The following PDGFD variants were observed in gnomAD, a reference collection of about 807,000 sequenced individuals.
The protein encoded by PDGFD is platelet derived growth factor D, also known as platelet-derived growth factor D.
PDGFD carries 30 observed loss-of-function variants against 44.7 expected under a neutral mutation model. The ratio of observed to expected loss-of-function variants is 0.67; its 90% CI spans 0.50 to 0.91. The LOEUF is 0.91. Ranked by LOEUF, PDGFD falls within the 40% of genes least tolerant of loss-of-function variation. PDGFD has a pLI of 0.00. For missense variants in PDGFD, 445 were observed against 457.8 expected (o/e 0.97, Z 0.25); for synonymous variants, 173 against 168.4 (o/e 1.03, Z -0.21).
chr11:103,934,616 C>T lies in PDGFD; in HGVS notation c.773-7490G>A, dbSNP rs868619285. Among the ~76,000 whole-genome samples the T allele has an allele frequency of 7.9e-5, 12 of 152,186 alleles. No homozygotes were observed. The Middle Eastern group carries it at 0.02, about 259-fold the overall frequency. ...GGAAACTTACAATCATGGCAGAAGGCGAAGGAGAAGCAAAGGCACGTCTTA... is the reference window on the plus strand; with the variant it reads ...GGAAACTTACAATCATGGCAGAAGGTGAAGGAGAAGCAAAGGCACGTCTTA... On this transcript the variant is annotated intron_variant, in intron 5 of 6. Coordinates refer to ENST00000393158, the MANE Select transcript of PDGFD (RefSeq NM_025208.5).
chr11:104,043,418 G>A (rs2134400804), intron 1 of PDGFD, among the ~76,000 whole-genome samples: 1 of 152,280 alleles, frequency 6.6e-6, no homozygotes, highest in East Asian at 1.9e-4. Flanking sequence ...TATCAACCTA[G>A]AGTAAGCATA....
intron 1 of PDGFD, among the ~76,000 whole-genome samples, chr11:104,128,740 G>A (rs1861875110): frequency 6.6e-6 from 1 of 152,010 alleles, no homozygotes; most frequent in African/African-American, 2.4e-5. Context: ...TAAAATGAGG[G>A]CAAGAATCAT....
chr11:103,971,814 C>T (rs1021290), intron 3 of PDGFD, among the ~76,000 whole-genome samples: 86,384 of 151,982 alleles, frequency 0.57, 24,777 homozygotes, highest in South Asian at 0.67. Flanking sequence ...TCAGTTGTAA[C>T]ATTGACTACA....
chr11:104,023,755 T>C (rs1859997890), intron 1 of PDGFD, among the ~76,000 whole-genome samples: 1 of 152,110 alleles, frequency 6.6e-6, no homozygotes, highest in Non-Finnish European at 1.5e-5. Flanking sequence ...CTACCAACTA[T>C]CAGATGGAAT....
chr11:103,943,663 T>C lies in PDGFD; in HGVS notation c.574-13A>G, dbSNP rs771408462. The C allele has an allele frequency of 3.7e-6, 6 of 1,603,710 alleles. No homozygotes were observed. In the Admixed American group the frequency reaches 8.4e-5, roughly 23 times the overall value. On this transcript the variant is annotated splice_polypyrimidine_tract_variant and intron_variant, in intron 4 of 6. Coordinates refer to ENST00000393158, the MANE Select transcript of PDGFD (RefSeq NM_025208.5). Reference sequence around the variant, plus strand: ...TATAGGATACCCCCTAAGAGTGACATACAGCTCAGTGTACTCAGAATAAGT... The same window carrying C: ...TATAGGATACCCCCTAAGAGTGACACACAGCTCAGTGTACTCAGAATAAGT...
chr11:103,996,329 A>G (rs570295834), intron 2 of PDGFD, 84 bp from the exon 3 acceptor site: 3 of 1,174,616 alleles, frequency 2.6e-6, no homozygotes, highest in Non-Finnish European at 3.7e-6. Context: ...TAAAACTAGC[A>G]TATATGATTT....
At chr11:104,029,938 G>A (rs1360221619) in intron 1 of PDGFD, among the ~76,000 whole-genome samples, 5 of 152,000 alleles carry the variant, frequency 3.3e-5, no homozygotes, top group East Asian at 3.9e-4. Context: ...TAAATCTGAC[G>A]TCCAAAAAGC....
Position 103,908,616 on chromosome 11 carries a change from T to C in PDGFD, c.*1078A>G, listed in dbSNP as rs958862084. On this transcript the variant is annotated 3_prime_UTR_variant, in exon 7 of 7. Coordinates refer to ENST00000393158, the MANE Select transcript of PDGFD (RefSeq NM_025208.5). Reference sequence around the variant, plus strand: ...TATAAAATGCCATTATAAATCCATGTCTATATTTCAAAAAGACGGGAACAC... The same window carrying C: ...TATAAAATGCCATTATAAATCCATGCCTATATTTCAAAAAGACGGGAACAC... 1.3e-5 allele frequency: 2 copies of C among 152,202 alleles called. No individual in the cohort carries two copies. Among genetic ancestry groups the C allele is most frequent in the African/African-American group, 4.8e-5 (2 of 41,446 alleles). 9.4% of individuals were successfully genotyped at this position (152,202 alleles called of 1,614,324 possible).
chr11:104,043,575 A>T (rs1009890820), intron 1 of PDGFD, among the ~76,000 whole-genome samples: 1 of 152,320 alleles, frequency 6.6e-6, no homozygotes, highest in Non-Finnish European at 1.5e-5. Flanking sequence ...TTGTGTGGCT[A>T]TAAAGGAATA....
intron 1 of PDGFD, among the ~76,000 whole-genome samples, chr11:104,054,328 T>C (rs1218873245): frequency 2.0e-5 from 3 of 152,238 alleles, no homozygotes; most frequent in African/African-American, 4.8e-5. Flanking sequence ...TTATCAGTGA[T>C]TGTGTATTAA....
At chr11:103,922,281 G>T (rs537488993) in intron 6 of PDGFD, among the ~76,000 whole-genome samples, 2 of 152,132 alleles carry the variant, frequency 1.3e-5, no homozygotes, top group African/African-American at 2.4e-5. Context: ...TACACAATAC[G>T]TTTTTCTGGA....
chr11:104,096,116 G>A (rs1297250863), intron 1 of PDGFD, among the ~76,000 whole-genome samples: 1 of 152,054 alleles, frequency 6.6e-6, no homozygotes, highest in Admixed American at 6.6e-5. Flanking sequence ...TTTCTGCAAT[G>A]TCTTCATTGA....
In PDGFD at chr11:103,909,679, G is replaced by A; in HGVS notation, c.*15C>T. On this transcript the variant is annotated 3_prime_UTR_variant, in exon 7 of 7. Coordinates refer to ENST00000393158, the MANE Select transcript of PDGFD (RefSeq NM_025208.5). ...AAGGTTCTTTCAGGCTTAATGTAAG[G>A]ATGTGCACATTCTCTTATCGAGGTG... The A allele has an allele frequency of 6.2e-7, 1 of 1,613,930 alleles. No individual in the cohort carries two copies. The highest frequency in any genetic ancestry group is 8.5e-7 in the Non-Finnish European group (1 of 1,179,828).
intron 1 of PDGFD, among the ~76,000 whole-genome samples, chr11:104,145,986 G>A (rs922882298): frequency 6.6e-6 from 1 of 152,144 alleles, no homozygotes; most frequent in Non-Finnish European, 1.5e-5. Context: ...AATCAAATTT[G>A]CCAACACCTT....
At chr11:104,012,746 T>C (rs1160447078) in intron 1 of PDGFD, among the ~76,000 whole-genome samples, 1 of 152,252 alleles carries the variant, frequency 6.6e-6, no homozygotes, top group Non-Finnish European at 1.5e-5. Context: ...TTTGGGTTGG[T>C]GGGGCTCCAC....
At chr11:103,977,749 T>A (rs1185660545) in intron 3 of PDGFD, among the ~76,000 whole-genome samples, 3 of 152,012 alleles carry the variant, frequency 2.0e-5, no homozygotes, top group Non-Finnish European at 4.4e-5. Context: ...TTTTCACCCA[T>A]AAAAGGAGTG....
At chr11:103,961,705 A>G (rs1858938196) in intron 3 of PDGFD, among the ~76,000 whole-genome samples, 3 of 152,156 alleles carry the variant, frequency 2.0e-5, no homozygotes, top group Admixed American at 2.0e-4. Flanking sequence ...GGCTTCCACT[A>G]CTACTGACTA....
intron 1 of PDGFD, among the ~76,000 whole-genome samples, chr11:104,132,149 C>G (rs1861933111): frequency 6.6e-6 from 1 of 152,008 alleles, no homozygotes; most frequent in Admixed American, 6.6e-5. Context: ...AAATTCATAT[C>G]ACTCATTCCA....
intron 3 of PDGFD, among the ~76,000 whole-genome samples, chr11:103,975,540 G>C (rs958527047): frequency 1.5e-4 from 23 of 152,084 alleles, no homozygotes; most frequent in Non-Finnish European, 2.6e-4. Flanking sequence ...CATTGCTTTT[G>C]GTGTTTTAGT....
Sources: gnomAD v4.1 joint callset for allele counts (sites outside exome capture counted in the v4.1 genomes callset) on GRCh38, gnomAD v4.1.1 for gene constraint, MANE v1.5 for transcripts, NCBI Gene and HGNC (gene_info 2026-07-23, HGNC 2026-07-21) for gene names.